CNOT6: variants seen among roughly 807,000 people sequenced by gnomAD.
CNOT6 encodes the protein CCR4-NOT transcription complex subunit 6.
CNOT6 carries 12 observed loss-of-function variants against 61.2 expected under a neutral mutation model. The ratio of observed to expected loss-of-function variants is 0.20; its 90% CI spans 0.13 to 0.32. CNOT6 has a LOEUF of 0.32. CNOT6 is among the 10% of genes least tolerant of loss of function. The pLI is 1.00. For synonymous variants in CNOT6, 225 were observed against 240.6 expected (o/e 0.94, Z 0.60); for missense variants, 405 against 663.9 (o/e 0.61, Z 4.28).
At chr5:180,512,890 A>G (rs1024010581) in intron 1 of CNOT6, among the ~76,000 whole-genome samples, 1 of 149,660 alleles carries the variant, frequency 6.7e-6, no homozygotes, top group African/African-American at 2.5e-5. Flanking sequence ...AAGCCACTGC[A>G]CCCAGCCATT....
At chr5:180,503,090 G>A (rs900672868) in intron 1 of CNOT6, among the ~76,000 whole-genome samples, 2 of 152,030 alleles carry the variant, frequency 1.3e-5, no homozygotes, top group Non-Finnish European at 2.9e-5. Context: ...ATTGAATGCC[G>A]GTGGTGCAGT....
At position 180,577,903 on chromosome 5, in the gene CNOT6, G is replaced by C. The variant is rs2127774235; in HGVS notation, c.*3703G>C. Reference sequence around the variant, plus strand: ...TAGCTAGCATTATATTTATATACAGGGTCTTTTTTCTTTACCGATGTATTT... The same window carrying C: ...TAGCTAGCATTATATTTATATACAGCGTCTTTTTTCTTTACCGATGTATTT... On this transcript the variant is annotated 3_prime_UTR_variant, in exon 12 of 12. Coordinates refer to ENST00000261951, the MANE Select transcript of CNOT6 (RefSeq NM_001370472.1). The C allele has an allele frequency of 6.6e-6, 1 of 152,612 alleles. No homozygotes were observed. The allele number at this position is 152,612 out of a possible 1,614,324, so 9.5% of individuals were successfully genotyped here.
chr5:180,572,723 T>G (rs1427521879), intron 11 of CNOT6, among the ~76,000 whole-genome samples: 1 of 151,644 alleles, frequency 6.6e-6, no homozygotes, highest in East Asian at 1.9e-4. Context: ...ATCTTTTTTT[T>G]TTGGTAATTT....
At chr5:180,567,799 C>T (rs1760537771) in intron 8 of CNOT6, 50 bp from the exon 9 acceptor site, 2 of 1,612,592 alleles carry the variant, frequency 1.2e-6, no homozygotes, top group Middle Eastern at 1.7e-4. Flanking sequence ...AAGCTAACCT[C>T]TTGGTATTCC....
chr5:180,506,468 A>C (rs1184214770), intron 1 of CNOT6, among the ~76,000 whole-genome samples: 1 of 152,208 alleles, frequency 6.6e-6, no homozygotes, highest in Non-Finnish European at 1.5e-5. Context: ...AAAGTGCTGG[A>C]TAGACCTGGC....
At chr5:180,562,772 C>T (rs1760251999) in intron 4 of CNOT6, among the ~76,000 whole-genome samples, 2 of 152,020 alleles carry the variant, frequency 1.3e-5, no homozygotes, top group African/African-American at 4.8e-5. Flanking sequence ...AACAGCATCA[C>T]TGTAGGTCTG....
chr5:180,538,955 C>A (rs903826527), intron 2 of CNOT6, among the ~76,000 whole-genome samples: 4 of 151,654 alleles, frequency 2.6e-5, no homozygotes, highest in African/African-American at 9.7e-5. Context: ...GCAGGCAGAT[C>A]ATGAGGTCAA....
chr5:180,510,134 CTTTTTTTTTTTTTTTTTTTT>C (rs56899929), intron 1 of CNOT6, among the ~76,000 whole-genome samples: 2 of 37,382 alleles, frequency 5.4e-5, no homozygotes, highest in East Asian at 1.1e-3. Context: ...GTCTGTAAAC[CTTTTTTTTTTTTTTTTTTTT>C]TTTTTTTTTT....
intron 2 of CNOT6, among the ~76,000 whole-genome samples, chr5:180,537,523 A>G (rs983415921): frequency 6.6e-6 from 1 of 152,120 alleles, no homozygotes; most frequent in East Asian, 1.9e-4. Context: ...CTTTTAAAAA[A>G]TGCGGATATG....
chr5:180,532,271 G>A (rs1758427627), intron 2 of CNOT6, among the ~76,000 whole-genome samples: 1 of 151,934 alleles, frequency 6.6e-6, no homozygotes, highest in African/African-American at 2.4e-5. Flanking sequence ...AGCAGTTTTT[G>A]CATTACAATT....
At chr5:180,535,954 A>G (rs1467846984) in intron 2 of CNOT6, among the ~76,000 whole-genome samples, 1 of 148,596 alleles carries the variant, frequency 6.7e-6, no homozygotes, top group Non-Finnish European at 1.5e-5. Flanking sequence ...TCTTTTGAAA[A>G]ATATTGTTTC....
intron 2 of CNOT6, among the ~76,000 whole-genome samples, chr5:180,540,682 C>T (rs536637551): frequency 2.6e-5 from 4 of 152,230 alleles, no homozygotes; most frequent in Admixed American, 6.5e-5. Context: ...AATACATTTT[C>T]GACATTTTAA....
chr5:180,511,581 A>C (rs1158887775), intron 1 of CNOT6, among the ~76,000 whole-genome samples: 2 of 152,094 alleles, frequency 1.3e-5, no homozygotes, highest in Non-Finnish European at 2.9e-5. Flanking sequence ...ACTGCATTCC[A>C]GGCTGAGTGA....
chr5:180,495,876 G>C (rs1756588871), intron 1 of CNOT6: 1 of 152,226 alleles, frequency 6.6e-6, no homozygotes, highest in Admixed American at 6.5e-5. Context: ...CTTTTTTGGG[G>C]AATTGCTGTT....
Position 180,539,548 on chromosome 5 carries a change from G to GTTGTTTTTTTTTTTTTTTTT in CNOT6, c.112+10162_112+10163insGTTTTTTTTTTTTTTTTTTT, listed in dbSNP as rs1561648866. ...GGGATTTGACTTCAGTACTTTTTCTGTTCTTTTTTTTTTTTTTTTTTTTTT... is the reference window on the plus strand; with the variant it reads ...GGGATTTGACTTCAGTACTTTTTCTGTTGTTTTTTTTTTTTTTTTTTTCTTTTTTTTTTTTTTTTTTTTTT... On this transcript the variant is annotated intron_variant, in intron 2 of 11. Transcript: ENST00000261951. 6.5e-5 allele frequency among the ~76,000 whole-genome samples: 3 copies of GTTGTTTTTTTTTTTTTTTTT among 45,848 alleles called. 1 individual carries two copies. The highest frequency in any genetic ancestry group is 0.026 in the Middle Eastern group (2 of 78). The allele number at this position is 45,848 out of a possible 152,430, so 30.1% of individuals were successfully genotyped here. A position where few individuals can be genotyped will look rare whatever the true frequency, so the allele number is the denominator to read the frequency against.
chr5:180,576,015 GT>G lies in CNOT6; in HGVS notation c.*1819del, dbSNP rs1760986942. The G allele has an allele frequency of 6.6e-6, 1 of 152,022 alleles. No homozygotes were observed. The highest frequency in any genetic ancestry group is 6.6e-5 in the Admixed American group (1 of 15,202). 9.4% of individuals were successfully genotyped at this position (152,022 alleles called of 1,614,324 possible). On this transcript the variant is annotated 3_prime_UTR_variant, in exon 12 of 12. Transcript: ENST00000261951. ...GTTTTTTCTAGGATTTCATTGTGAT[GT>G]TTTGGTTTTGTTTTTTGCTTTTTGT... is the stretch of plus-strand genomic sequence containing the variant.
rs188514603 is a variant in CNOT6, at chr5:180,543,186, G to A, written c.113-6745G>A. On this transcript the variant is annotated intron_variant, in intron 2 of 11. Transcript: ENST00000261951. Reference sequence around the variant, plus strand: ...CCATTCTCCTGCCTCAGCCTCCCTAGTAGCTGGGACTACAGGTGCCTACCA... The same window carrying A: ...CCATTCTCCTGCCTCAGCCTCCCTAATAGCTGGGACTACAGGTGCCTACCA... Among the ~76,000 whole-genome samples the A allele has an allele frequency of 1.2e-3, 188 of 152,232 alleles. 3 individuals carry two copies. In the Middle Eastern group the frequency reaches 0.017, roughly 14 times the overall value.
Position 180,530,202 on chromosome 5 carries a change from T to A in CNOT6, c.112+814T>A, listed in dbSNP as rs1322207131. ...TTGTCGTCTTTCACCTGACCGCCCT[T>A]GATTTTTAAAAATTTAATGCAGCAG... On this transcript the variant is annotated intron_variant, in intron 2 of 11. Transcript: ENST00000261951. 2.0e-5 allele frequency among the ~76,000 whole-genome samples: 3 copies of A among 152,232 alleles called. No homozygotes were observed. In the East Asian group the frequency reaches 5.8e-4, roughly 29 times the overall value.
chr5:180,571,823 A>G (rs1010742841), intron 11 of CNOT6, among the ~76,000 whole-genome samples: 1 of 152,094 alleles, frequency 6.6e-6, no homozygotes. Context: ...TCAGCCTCCC[A>G]GTGTGCTGGG....
Sources: gnomAD v4.1 joint callset for allele counts (sites outside exome capture counted in the v4.1 genomes callset) on GRCh38, gnomAD v4.1.1 for gene constraint, MANE v1.5 for transcripts, NCBI Gene and HGNC (gene_info 2026-07-23, HGNC 2026-07-21) for gene names.